The following MYO1E variants were observed in gnomAD, a reference collection of about 807,000 sequenced individuals.
MYO1E encodes myosin IE.
Under a neutral mutation model 151.1 loss-of-function variants are expected in MYO1E, and 68 were observed. The ratio of observed to expected loss-of-function variants is 0.45; its 90% CI spans 0.37 to 0.55. MYO1E has a LOEUF of 0.55. MYO1E is among the 20% of genes least tolerant of loss of function. The probability of loss-of-function intolerance (pLI) is 0.00; values close to 1 mark genes in which losing one functional copy is unlikely to be tolerated. For synonymous variants in MYO1E, 601 were observed against 501.7 expected, an observed-to-expected ratio of 1.20 and a Z score of -2.64; for missense variants, 1,363 against 1,389.3, an observed-to-expected ratio of 0.98 and a Z score of 0.30.
At chr15:59,218,881 C>A (rs1326888603) in intron 9 of MYO1E, among the ~76,000 whole-genome samples, 1 of 152,110 alleles carries the variant, frequency 6.6e-6, no homozygotes, top group Admixed American at 6.5e-5. Flanking sequence ...ATGATCAAGA[C>A]GAGACGGTCT....
chr15:59,208,594 C>T (rs1227790715), intron 14 of MYO1E, 87 bp downstream of exon 14: 86 of 1,483,600 alleles, frequency 5.8e-5, no homozygotes, highest in East Asian at 2.3e-4. Context: ...TAAAATACGG[C>T]GAGCCATATG....
Position 59,224,827 on chromosome 15 carries a change from G to C in MYO1E, c.643-4C>G. ...CTGCAGAGGCGCCCTCGATGAGCTG[G>C]AGCAAGAGAACACAGGTTGAGCCAT... On this transcript the variant is annotated splice_region_variant and splice_polypyrimidine_tract_variant and intron_variant, in intron 7 of 27. Coordinates refer to ENST00000288235, the MANE Select transcript of MYO1E (RefSeq NM_004998.4). 6.2e-7 allele frequency: 1 copy of C among 1,614,174 alleles called. No homozygotes were observed. The highest frequency in any genetic ancestry group is 8.5e-7 in the Non-Finnish European group (1 of 1,180,036).
intron 4 of MYO1E, among the ~76,000 whole-genome samples, chr15:59,238,041 C>T (rs1261411343): frequency 6.6e-6 from 1 of 152,114 alleles, no homozygotes; most frequent in Non-Finnish European, 1.5e-5. Flanking sequence ...TCCTGGCTTC[C>T]TGGTCACATG....
At position 59,207,706 on chromosome 15, in the gene MYO1E, G is replaced by A. The variant is rs763010359; in HGVS notation, c.1530+975C>T. ...TCCTGTGTGGAGTGGAGTGAACATAGCTGGTGTCCCTTTGAAGGATCTGAA... is the reference window on the plus strand; with the variant it reads ...TCCTGTGTGGAGTGGAGTGAACATAACTGGTGTCCCTTTGAAGGATCTGAA... On this transcript the variant is annotated intron_variant, in intron 14 of 27. Coordinates refer to ENST00000288235, the MANE Select transcript of MYO1E (RefSeq NM_004998.4). The A allele has an allele frequency of 5.0e-6, 8 of 1,614,176 alleles. No homozygotes were observed. The East Asian group carries it at 1.3e-4, about 27-fold the overall frequency.
chr15:59,205,620 G>A (rs868126089), intron 14 of MYO1E, 135 bp from the exon 15 acceptor site: 14 of 788,826 alleles, frequency 1.8e-5, no homozygotes, highest in South Asian at 1.6e-4. Context: ...ACCACAACAT[G>A]TGGATTTCCA....
At position 59,138,383 on chromosome 15, in the gene MYO1E, A is replaced by G. The variant is rs753705469; in HGVS notation, c.3081-16T>C. 1.2e-6 allele frequency: 2 copies of G among 1,613,554 alleles called. No individual in the cohort carries two copies. The highest frequency in any genetic ancestry group is 2.2e-5 in the South Asian group (2 of 91,054). On this transcript the variant is annotated splice_polypyrimidine_tract_variant and intron_variant, in intron 26 of 27. Transcript: ENST00000288235. The stretch of plus-strand genomic sequence containing the variant: ...TCTCCTGACCCTGTGGAGAGAGTGG[A>G]GCAGATGAGACTGGGCCCCAACAGG...
intron 1 of MYO1E, among the ~76,000 whole-genome samples, chr15:59,348,307 A>G (rs2080805637): frequency 6.6e-6 from 1 of 152,184 alleles, no homozygotes; most frequent in Non-Finnish European, 1.5e-5. Context: ...CCCTAACCAA[A>G]AACGCCAAAA....
At chr15:59,345,422 C>G (rs1350967887) in intron 1 of MYO1E, among the ~76,000 whole-genome samples, 1 of 152,194 alleles carries the variant, frequency 6.6e-6, no homozygotes, top group African/African-American at 2.4e-5. Context: ...TCTCCTGCCT[C>G]TGCCTCCTGA....
intron 22 of MYO1E, among the ~76,000 whole-genome samples, chr15:59,170,868 C>T (rs1022132338): frequency 1.3e-5 from 2 of 152,142 alleles, no homozygotes; most frequent in Non-Finnish European, 2.9e-5. Flanking sequence ...GACGCCTGAG[C>T]ACATAAAACC....
At chr15:59,366,070 C>A in intron 1 of MYO1E, among the ~76,000 whole-genome samples, 1 of 152,186 alleles carries the variant, frequency 6.6e-6, no homozygotes, top group East Asian at 1.9e-4. Context: ...CCTCCGCCTC[C>A]CAAGTTCAAG....
intron 1 of MYO1E, among the ~76,000 whole-genome samples, chr15:59,296,929 T>C (rs2140400748): frequency 7.3e-6 from 1 of 137,004 alleles, no homozygotes; most frequent in Middle Eastern, 3.8e-3. Context: ...AAGCTCCGCC[T>C]CCCGGGTTCA....
intron 2 of MYO1E, among the ~76,000 whole-genome samples, chr15:59,268,291 T>C (rs771261026): frequency 9.9e-5 from 15 of 152,232 alleles, no homozygotes; most frequent in Non-Finnish European, 1.9e-4. Flanking sequence ...GTGCTAATGA[T>C]AGAAAGCACA....
intron 5 of MYO1E, 47 bp from the exon 6 acceptor site, chr15:59,231,838 C>A: frequency 3.8e-6 from 6 of 1,595,768 alleles, no homozygotes; most frequent in Non-Finnish European, 5.2e-6. Context: ...GAACACCTAC[C>A]ACACAGTGTA....
chr15:59,209,004 C>G (rs1171908665), intron 13 of MYO1E, 156 bp from the exon 14 acceptor site: 1 of 884,954 alleles, frequency 1.1e-6, no homozygotes, highest in Admixed American at 2.1e-5. Context: ...AATTAATAGT[C>G]CCAAATAGGG....
chr15:59,245,524 C>A (rs1425508828), intron 4 of MYO1E, among the ~76,000 whole-genome samples: 1 of 152,132 alleles, frequency 6.6e-6, no homozygotes, highest in Non-Finnish European at 1.5e-5. Flanking sequence ...AGCTTCTATG[C>A]AGGATGCACC....
chr15:59,308,822 G>C (rs2080531987), intron 1 of MYO1E, among the ~76,000 whole-genome samples: 1 of 137,972 alleles, frequency 7.2e-6, no homozygotes, highest in South Asian at 2.6e-4. Context: ...CTGGTGACAA[G>C]AGCAAAACTC....
chr15:59,280,816 C>T (rs1415111534), intron 1 of MYO1E, among the ~76,000 whole-genome samples: 19 of 152,074 alleles, frequency 1.2e-4, no homozygotes, highest in African/African-American at 4.6e-4. Flanking sequence ...TGTTTAATAT[C>T]ATCACAGATG....
intron 10 of MYO1E, among the ~76,000 whole-genome samples, chr15:59,215,447 C>T (rs1430546572): frequency 6.6e-6 from 1 of 151,996 alleles, no homozygotes; most frequent in African/African-American, 2.4e-5. Flanking sequence ...TAAATTTAAG[C>T]AGTATGATGC....
At chr15:59,305,715 T>C (rs1184810576) in intron 1 of MYO1E, among the ~76,000 whole-genome samples, 1 of 152,220 alleles carries the variant, frequency 6.6e-6, no homozygotes, top group African/African-American at 2.4e-5. Flanking sequence ...TGTGCTTCCT[T>C]TCCTTGAGTT....
Sources: allele counts gnomAD v4.1 joint callset (sites outside exome capture counted in the v4.1 genomes callset), GRCh38; gene constraint gnomAD v4.1.1; transcripts MANE v1.5; gene names NCBI Gene and HGNC (gene_info 2026-07-23, HGNC 2026-07-21).